Variants in LRIF1 observed in about 807,000 individuals in gnomAD.
LRIF1 encodes ligand dependent nuclear receptor interacting factor 1.
Under a neutral mutation model 52.7 loss-of-function variants are expected in LRIF1, and 32 were observed. The observed-to-expected ratio is 0.61, with a 90% confidence interval of 0.46 to 0.82. LRIF1 has a LOEUF of 0.82. Among genes scored for constraint, LRIF1 ranks in the 40% least tolerant of loss-of-function variants. The probability of loss-of-function intolerance (pLI) is 0.00; values close to 1 mark genes in which losing one functional copy is unlikely to be tolerated. For synonymous variants in LRIF1, 323 were observed against 317.4 expected (o/e 1.02, Z -0.19); for missense variants, 887 against 892.0 (o/e 0.99, Z 0.07).
the LRIF1 span, among the ~76,000 whole-genome samples, chr1:110,911,169 A>G: frequency 6.6e-6 from 1 of 151,418 alleles, no homozygotes; most frequent in Admixed American, 6.6e-5. Context: ...AGTTTATGCT[A>G]CCCTCAACCC....
chr1:110,897,563 G>A, the LRIF1 span: 1 of 328,332 alleles, frequency 3.0e-6, no homozygotes, highest in Non-Finnish European at 5.6e-6. Context: ...GTTTAACTCA[G>A]CGGGTAAGGA....
chr1:110,957,301 C>CAAAAAA (rs35011841), intron 1 of LRIF1, among the ~76,000 whole-genome samples: 9 of 81,866 alleles, frequency 1.1e-4, no homozygotes, highest in Non-Finnish European at 1.7e-4. Context: ...ACTAAAAATA[C>CAAAAAA]AAAAAAAAAA....
At chr1:110,894,557 A>T in the LRIF1 span, among the ~76,000 whole-genome samples, 2 of 150,478 alleles carry the variant, frequency 1.3e-5, no homozygotes, top group African/African-American at 2.4e-5. Flanking sequence ...TTGGGGGGAA[A>T]ATTTGTATGA....
the LRIF1 span, among the ~76,000 whole-genome samples, chr1:110,918,467 G>A: frequency 7.2e-5 from 11 of 151,888 alleles, no homozygotes; most frequent in East Asian, 1.9e-4. Context: ...TTAATTAAAC[G>A]TTATGTATAA....
the LRIF1 span, among the ~76,000 whole-genome samples, chr1:110,883,642 T>G: frequency 6.4e-3 from 966 of 152,056 alleles, 13 homozygotes; most frequent in African/African-American, 0.022. Flanking sequence ...CCTTACATGT[T>G]TAGTAGAAAT....
chr1:110,875,185 T>A, the LRIF1 span, among the ~76,000 whole-genome samples: 1 of 152,166 alleles, frequency 6.6e-6, no homozygotes, highest in Non-Finnish European at 1.5e-5. Flanking sequence ...CAAAGAAGTG[T>A]GTACCTCCAG....
chr1:110,933,435 CAT>C, the LRIF1 span, among the ~76,000 whole-genome samples: 2 of 152,184 alleles, frequency 1.3e-5, no homozygotes, highest in African/African-American at 4.8e-5. Flanking sequence ...GCCTTGAAGA[CAT>C]AGAAAAAAAA....
At chr1:110,949,100 G>C (rs1340450135) in intron 3 of LRIF1, among the ~76,000 whole-genome samples, 2 of 151,736 alleles carry the variant, frequency 1.3e-5, no homozygotes, top group African/African-American at 2.4e-5. Context: ...TGTGTGTGTG[G>C]GGTGGGCGGT....
At chr1:110,921,401 G>A in the LRIF1 span, among the ~76,000 whole-genome samples, 4 of 151,638 alleles carry the variant, frequency 2.6e-5, no homozygotes, top group Non-Finnish European at 5.9e-5. Flanking sequence ...AAAATAAAAT[G>A]GAAATGTGAA....
chr1:110,934,984 G>A, the LRIF1 span, among the ~76,000 whole-genome samples: 382 of 152,246 alleles, frequency 2.5e-3, 1 homozygote, highest in African/African-American at 8.8e-3. Flanking sequence ...GGTGGTTCAG[G>A]ACAGAGAGAA....
At chr1:110,875,608 C>T in the LRIF1 span, among the ~76,000 whole-genome samples, 1 of 152,298 alleles carries the variant, frequency 6.6e-6, no homozygotes, top group Admixed American at 6.5e-5. Flanking sequence ...CAAGCATCCA[C>T]TGTGTGTAGA....
chr1:110,891,216 A>T, the LRIF1 span, among the ~76,000 whole-genome samples: 7 of 152,258 alleles, frequency 4.6e-5, no homozygotes, highest in Non-Finnish European at 8.8e-5. Flanking sequence ...GTCTAAGATG[A>T]GCCAGTTGGT....
At chr1:110,949,354 G>T (rs928276062) in intron 3 of LRIF1, among the ~76,000 whole-genome samples, 3 of 151,186 alleles carry the variant, frequency 2.0e-5, no homozygotes, top group African/African-American at 7.3e-5. Flanking sequence ...TCTTGACCTC[G>T]TGATCCGCCC....
intron 1 of LRIF1, among the ~76,000 whole-genome samples, chr1:110,957,654 C>T (rs1361724): frequency 0.4 from 60,573 of 151,784 alleles, 12,291 homozygotes; most frequent in South Asian, 0.53. Context: ...TTTAAATCTA[C>T]GAAGTTAAAA....
the LRIF1 span, among the ~76,000 whole-genome samples, chr1:110,931,140 C>T: frequency 3.9e-5 from 6 of 152,156 alleles, no homozygotes; most frequent in African/African-American, 1.4e-4. Flanking sequence ...CCCCAGCCCC[C>T]CAACCCCTGA....
chr1:110,896,838 G>C, the LRIF1 span: 1 of 960,056 alleles, frequency 1.0e-6, no homozygotes, highest in South Asian at 1.6e-5. Context: ...TGAGAAACAG[G>C]GGACCTTGAA....
the LRIF1 span, among the ~76,000 whole-genome samples, chr1:110,886,869 A>ATATATATAT: frequency 0.053 from 4,354 of 82,488 alleles, 161 homozygotes; most frequent in Non-Finnish European, 0.073. Flanking sequence ...ATATATATAT[A>ATATATATAT]TTTTTTTTTT....
At position 110,963,920 on chromosome 1, in the gene LRIF1, T is replaced by G; in HGVS notation, c.-232A>C. On this transcript the variant is annotated 5_prime_UTR_variant, in exon 1 of 4. Coordinates refer to ENST00000369763, the MANE Select transcript of LRIF1 (RefSeq NM_018372.4). Reference sequence around the variant, plus strand: ...AACCGGAAGGCTCCTGGCGGTGGACTGCGCCCTCACAGCCCTACGCTGAGA... The same window carrying G: ...AACCGGAAGGCTCCTGGCGGTGGACGGCGCCCTCACAGCCCTACGCTGAGA... 1 of 422,128 alleles carries G rather than the reference T, an allele frequency of 2.4e-6. No homozygotes were observed. 26.1% of individuals were successfully genotyped at this position (422,128 alleles called of 1,614,324 possible).
chr1:110,900,995 A>G, the LRIF1 span, among the ~76,000 whole-genome samples: 1 of 152,178 alleles, frequency 6.6e-6, no homozygotes, highest in Non-Finnish European at 1.5e-5. Flanking sequence ...AGAGAAAGGA[A>G]TAGAGAAAAA....
Sources: allele counts gnomAD v4.1 joint callset (sites outside exome capture counted in the v4.1 genomes callset), GRCh38; gene constraint gnomAD v4.1.1; transcripts MANE v1.5; gene names NCBI Gene and HGNC (gene_info 2026-07-23, HGNC 2026-07-21).